The following DOCK4 variants were observed in gnomAD, a reference collection of about 807,000 sequenced individuals.
DOCK4 encodes dedicator of cytokinesis protein 4.
Under a neutral mutation model 268.1 loss-of-function variants are expected in DOCK4, and 97 were observed. The observed-to-expected ratio is 0.36, with a 90% CI of 0.31 to 0.43. The LOEUF (loss-of-function observed/expected upper bound fraction) is 0.43. DOCK4 is among the 20% of genes least tolerant of loss of function. DOCK4 has a pLI of 1.00. For missense variants in DOCK4, 2,145 were observed against 2,455.7 expected, an observed-to-expected ratio of 0.87 and a Z score of 2.67; for synonymous variants, 954 against 887.2, an observed-to-expected ratio of 1.08 and a Z score of -1.34.
At chr7:112,091,526 G>T (rs1809626403) in intron 1 of DOCK4, among the ~76,000 whole-genome samples, 2 of 152,152 alleles carry the variant, frequency 1.3e-5, no homozygotes, top group African/African-American at 4.8e-5. Context: ...TGCTAGAATA[G>T]GTACTCCTGG....
intron 34 of DOCK4, among the ~76,000 whole-genome samples, 195 bp downstream of exon 34, chr7:111,783,662 A>G (rs901428323): frequency 3.3e-5 from 5 of 152,142 alleles, no homozygotes; most frequent in African/African-American, 1.2e-4. Flanking sequence ...ACAAAGCAAC[A>G]AAAAACAAAC....
chr7:112,105,156 T>A (rs1811025875), intron 1 of DOCK4, among the ~76,000 whole-genome samples: 1 of 152,180 alleles, frequency 6.6e-6, no homozygotes, highest in Admixed American at 6.5e-5. Flanking sequence ...TGAAAAGTAA[T>A]CTGAAATATG....
chr7:111,925,394 G>T (rs946513061), intron 12 of DOCK4, among the ~76,000 whole-genome samples: 1 of 152,204 alleles, frequency 6.6e-6, no homozygotes, highest in African/African-American at 2.4e-5. Context: ...AGTCTCTGAA[G>T]CAGAGGAAAG....
At chr7:111,942,607 G>C (rs143134078) in intron 10 of DOCK4, among the ~76,000 whole-genome samples, 1 of 151,716 alleles carries the variant, frequency 6.6e-6, no homozygotes, top group Admixed American at 6.6e-5. Context: ...GACTCATCCC[G>C]GTCACCTGCT....
At chr7:112,114,506 G>A (rs943291898) in intron 1 of DOCK4, among the ~76,000 whole-genome samples, 2 of 152,126 alleles carry the variant, frequency 1.3e-5, no homozygotes, top group African/African-American at 4.8e-5. Context: ...ACTATTGTGT[G>A]TCAGTCTACC....
chr7:111,915,973 G>A lies in DOCK4; in HGVS notation c.1067-69C>T, dbSNP rs1054247693. 4.7e-6 allele frequency: 7 copies of A among 1,502,730 alleles called. No homozygotes were observed. The African/African-American group carries it at 5.6e-5, about 12-fold the overall frequency. The allele number at this position is 1,502,730 out of a possible 1,614,324, so 93.1% of individuals were successfully genotyped here. ...TAGAATAAAGAGAAACTGATGTGTTGCAACAAGCCCAAATTTAGAATATCA... is the reference window on the plus strand; with the variant it reads ...TAGAATAAAGAGAAACTGATGTGTTACAACAAGCCCAAATTTAGAATATCA... On this transcript the variant is annotated intron_variant, in intron 12 of 52. Transcript: ENST00000428084.
At position 112,046,890 on chromosome 7, in the gene DOCK4, G is replaced by T. The variant is rs1804873550; in HGVS notation, c.38-42759C>A. ...AGAAAAAGAGTTGGGAGTCTGAGGGGACCAAGGCAGCTTAGAGTTTACAGC... is the reference window on the plus strand; with the variant it reads ...AGAAAAAGAGTTGGGAGTCTGAGGGTACCAAGGCAGCTTAGAGTTTACAGC... On this transcript the variant is annotated intron_variant, in intron 1 of 52. Coordinates refer to ENST00000428084, the MANE Select transcript of DOCK4 (RefSeq NM_001363540.2). Among the ~76,000 whole-genome samples, 3 of 152,280 alleles carry T rather than the reference G, an allele frequency of 2.0e-5. No individual in the cohort carries two copies. The South Asian group carries it at 6.2e-4, about 32-fold the overall frequency.
At chr7:111,804,432 A>C (rs917922570) in intron 30 of DOCK4, among the ~76,000 whole-genome samples, 2 of 152,118 alleles carry the variant, frequency 1.3e-5, no homozygotes. Context: ...GGGGCTGGGG[A>C]GACAGGGGAA....
intron 1 of DOCK4, among the ~76,000 whole-genome samples, chr7:112,200,742 A>AAAAAC (rs1820861948): frequency 6.7e-6 from 1 of 149,038 alleles, no homozygotes; most frequent in Non-Finnish European, 1.5e-5. Flanking sequence ...AAAAAAACAA[A>AAAAAC]AAAAAACAAG....
intron 1 of DOCK4, among the ~76,000 whole-genome samples, chr7:112,036,462 C>G (rs912748882): frequency 6.6e-6 from 1 of 152,054 alleles, no homozygotes; most frequent in Non-Finnish European, 1.5e-5. Flanking sequence ...GGAGAAAGCA[C>G]AAGTGTGTTA....
chr7:111,872,416 T>G (rs992143669), intron 18 of DOCK4, 51 bp downstream of exon 18: 1 of 1,533,488 alleles, frequency 6.5e-7, no homozygotes, highest in African/African-American at 1.4e-5. Flanking sequence ...CTCCAAATGT[T>G]CTTTATTCTA....
At chr7:111,844,031 T>C (rs1338757846) in intron 25 of DOCK4, among the ~76,000 whole-genome samples, 1 of 152,142 alleles carries the variant, frequency 6.6e-6, no homozygotes, top group Non-Finnish European at 1.5e-5. Context: ...TCCCAATACT[T>C]TGGGAGGCCA....
chr7:111,775,756 GGGCAGT>G (rs1044081724), intron 36 of DOCK4, among the ~76,000 whole-genome samples: 10 of 152,198 alleles, frequency 6.6e-5, no homozygotes, highest in African/African-American at 2.2e-4. Context: ...GTGGCAGTGG[GGGCAGT>G]GGCAGTGGCA....
At chr7:111,950,727 T>C (rs1178224819) in intron 8 of DOCK4, among the ~76,000 whole-genome samples, 1 of 152,240 alleles carries the variant, frequency 6.6e-6, no homozygotes, top group Admixed American at 6.5e-5. Context: ...CAATCCATGA[T>C]GCCTCACGAC....
At chr7:112,022,176 C>G (rs1389587755) in intron 1 of DOCK4, among the ~76,000 whole-genome samples, 2 of 152,174 alleles carry the variant, frequency 1.3e-5, no homozygotes, top group African/African-American at 4.8e-5. Context: ...ATGTGTTTAG[C>G]GCGGTATAAT....
chr7:111,851,014 C>T (rs975547196), intron 23 of DOCK4, among the ~76,000 whole-genome samples: 4 of 152,152 alleles, frequency 2.6e-5, no homozygotes, highest in Non-Finnish European at 4.4e-5. Flanking sequence ...TAGTTTTCTT[C>T]AACAAATGAT....
intron 51 of DOCK4, 59 bp downstream of exon 51, chr7:111,734,995 G>A (rs1795369535): frequency 7.6e-7 from 1 of 1,321,738 alleles, no homozygotes; most frequent in Admixed American, 2.0e-5. Context: ...AGGACAAACT[G>A]GAGTAGTCAA....
At chr7:111,770,304 G>T (rs73434206) in intron 36 of DOCK4, among the ~76,000 whole-genome samples, 4 of 151,616 alleles carry the variant, frequency 2.6e-5, no homozygotes, top group Admixed American at 6.6e-5. Flanking sequence ...CATGAGGAGT[G>T]GGGGGAGTGT....
intron 39 of DOCK4, among the ~76,000 whole-genome samples, chr7:111,761,628 G>A (rs563875140): frequency 7.2e-5 from 11 of 152,230 alleles, no homozygotes; most frequent in Admixed American, 7.2e-4. Context: ...ACGCCGTAAA[G>A]AGGGACTCCA....
Sources: allele counts gnomAD v4.1 joint callset (sites outside exome capture counted in the v4.1 genomes callset), GRCh38; gene constraint gnomAD v4.1.1; transcripts MANE v1.5; gene names NCBI Gene and HGNC (gene_info 2026-07-23, HGNC 2026-07-21).